LRRC4C: variants seen among roughly 807,000 people sequenced by gnomAD.
The protein encoded by LRRC4C is leucine rich repeat containing 4C.
A neutral mutation model predicts 33.6 loss-of-function variants in LRRC4C; 5 were observed. The ratio of observed to expected loss-of-function variants is 0.15; its 90% CI spans 0.08 to 0.31. The LOEUF (loss-of-function observed/expected upper bound fraction) is 0.31, where lower values mean the gene tolerates loss of function less well. LRRC4C is among the 10% of genes least tolerant of loss of function. LRRC4C has a pLI of 1.00. For synonymous variants in LRRC4C, 329 were observed against 302.0 expected (o/e 1.09, Z -0.93); for missense variants, 560 against 796.7 (o/e 0.70, Z 3.58).
chr11:40,145,493 T>A lies in LRRC4C; in HGVS notation c.-95-4640A>T, dbSNP rs141146284. Among the ~76,000 whole-genome samples, 20 of 152,254 alleles carry A rather than the reference T, an allele frequency of 1.3e-4. No individual in the cohort carries two copies. The East Asian group carries it at 3.9e-3, about 29-fold the overall frequency. ...AATGTAACCTCAAATATTCAATTTG[T>A]GAAAGGGTAATTAAAATTAAAACCG... On this transcript the variant is annotated intron_variant, in intron 5 of 6. Coordinates refer to ENST00000528697, the MANE Select transcript of LRRC4C (RefSeq NM_001258419.2).
intron 3 of LRRC4C, among the ~76,000 whole-genome samples, chr11:40,519,178 G>A (rs1468098503): frequency 6.6e-6 from 1 of 151,918 alleles, no homozygotes; most frequent in Non-Finnish European, 1.5e-5. Context: ...ACCATGGCAT[G>A]TGTATACATA....
chr11:40,540,407 T>C (rs1956658914), intron 3 of LRRC4C, among the ~76,000 whole-genome samples: 3 of 152,188 alleles, frequency 2.0e-5, no homozygotes, highest in Admixed American at 2.0e-4. Context: ...CTCTGGTTTT[T>C]TATTTTTCAA....
chr11:40,766,561 G>C (rs11530053), intron 2 of LRRC4C, among the ~76,000 whole-genome samples: 1 of 151,584 alleles, frequency 6.6e-6, no homozygotes. Context: ...TTAAGACTCA[G>C]ACTATATAAA....
chr11:40,160,991 A>G (rs1859107010), intron 5 of LRRC4C, among the ~76,000 whole-genome samples: 1 of 152,232 alleles, frequency 6.6e-6, no homozygotes, highest in African/African-American at 2.4e-5. Flanking sequence ...GAATCTTAAT[A>G]TCAGTTAAAA....
intron 6 of LRRC4C, among the ~76,000 whole-genome samples, chr11:40,136,069 C>T (rs574679138): frequency 9.8e-5 from 15 of 152,304 alleles, no homozygotes; most frequent in Middle Eastern, 3.4e-3. Context: ...GGGCTCACCA[C>T]GCCAGTTTTT....
intron 3 of LRRC4C, among the ~76,000 whole-genome samples, chr11:40,359,880 C>T (rs1759094870): frequency 6.6e-6 from 1 of 152,122 alleles, no homozygotes; most frequent in African/African-American, 2.4e-5. Flanking sequence ...CTCTCCCAAT[C>T]TGATATCATA....
intron 5 of LRRC4C, among the ~76,000 whole-genome samples, chr11:40,142,287 A>T (rs1387561984): frequency 2.0e-5 from 3 of 151,476 alleles, no homozygotes; most frequent in African/African-American, 7.3e-5. Flanking sequence ...CAAAAAAAAA[A>T]AAAAAAAAAA....
intron 3 of LRRC4C, among the ~76,000 whole-genome samples, chr11:40,486,163 A>G (rs555791445): frequency 8.6e-5 from 13 of 151,790 alleles, no homozygotes; most frequent in African/African-American, 3.1e-4. Flanking sequence ...TTAAAAAAAA[A>G]AAAAAAAAGG....
At chr11:40,220,573 T>G (rs921371220) in intron 5 of LRRC4C, among the ~76,000 whole-genome samples, 1 of 152,192 alleles carries the variant, frequency 6.6e-6, no homozygotes, top group Admixed American at 6.5e-5. Flanking sequence ...TACAGAATCA[T>G]GTAAAATATA....
intron 3 of LRRC4C, among the ~76,000 whole-genome samples, chr11:40,606,882 C>A (rs958078278): frequency 6.6e-6 from 1 of 151,810 alleles, no homozygotes; most frequent in African/African-American, 2.4e-5. Flanking sequence ...TAACATTGAA[C>A]CAAATAAATG....
rs569239708 is a variant in LRRC4C, at chr11:40,218,387, A to C, written c.-96+23132T>G. Among the ~76,000 whole-genome samples the C allele has an allele frequency of 1.6e-3, 250 of 152,302 alleles. 3 individuals carry two copies. Among genetic ancestry groups the C allele is most frequent in the African/African-American group, 5.5e-3 (229 of 41,572 alleles). On this transcript the variant is annotated intron_variant, in intron 5 of 6. Coordinates refer to ENST00000528697, the MANE Select transcript of LRRC4C (RefSeq NM_001258419.2). ...GGGTTATGGTCATAAATGTTGCTCAATGTGATGGGGGAAATGCAAGTCCAA... is the reference window on the plus strand; with the variant it reads ...GGGTTATGGTCATAAATGTTGCTCACTGTGATGGGGGAAATGCAAGTCCAA...
At chr11:41,409,770 CT>C (rs1413215254) in intron 1 of LRRC4C, among the ~76,000 whole-genome samples, 7 of 152,126 alleles carry the variant, frequency 4.6e-5, no homozygotes, top group African/African-American at 1.7e-4. Flanking sequence ...TATAATATAC[CT>C]GTCAATGAAA....
At chr11:41,176,809 A>G (rs1298639118) in intron 1 of LRRC4C, among the ~76,000 whole-genome samples, 1 of 151,952 alleles carries the variant, frequency 6.6e-6, no homozygotes, top group African/African-American at 2.4e-5. Context: ...CTAAAATACA[A>G]AAGAAATTAG....
chr11:40,738,069 C>T (rs908139082), intron 2 of LRRC4C, among the ~76,000 whole-genome samples: 10 of 152,126 alleles, frequency 6.6e-5, no homozygotes, highest in African/African-American at 2.4e-4. Flanking sequence ...TAACACCACA[C>T]ATCTGCAACC....
At position 40,186,216 on chromosome 11, in the gene LRRC4C, C is replaced by T. The variant is rs575544810; in HGVS notation, c.-95-45363G>A. Among the ~76,000 whole-genome samples, 5 of 152,316 alleles carry T rather than the reference C, an allele frequency of 3.3e-5. No homozygotes were observed. The East Asian group carries it at 7.7e-4, about 23-fold the overall frequency. ...TAAATAAACTATCAAAGGCACAAAACAGGGAGTCTACAATGTGGTAGGACT... is the reference window on the plus strand; with the variant it reads ...TAAATAAACTATCAAAGGCACAAAATAGGGAGTCTACAATGTGGTAGGACT... On this transcript the variant is annotated intron_variant, in intron 5 of 6. Transcript: ENST00000528697.
At chr11:40,319,458 C>T (rs1346460461) in intron 4 of LRRC4C, among the ~76,000 whole-genome samples, 170 bp downstream of exon 4, 6 of 152,046 alleles carry the variant, frequency 3.9e-5, no homozygotes, top group South Asian at 2.1e-4. Flanking sequence ...TCGTTTTTGC[C>T]GCATGCACTG....
intron 3 of LRRC4C, among the ~76,000 whole-genome samples, chr11:40,439,219 C>T (rs1216128771): frequency 1.3e-5 from 2 of 151,396 alleles, no homozygotes; most frequent in African/African-American, 4.9e-5. Context: ...GGATTAGAGG[C>T]GTGAGCCACT....
intron 3 of LRRC4C, among the ~76,000 whole-genome samples, chr11:40,580,355 CAT>C (rs147438521): frequency 0.023 from 3,519 of 152,026 alleles, 140 homozygotes; most frequent in African/African-American, 0.08. Context: ...CATGAGAACT[CAT>C]TCACTATTAT....
chr11:40,390,794 G>C (rs1223062892), intron 3 of LRRC4C, among the ~76,000 whole-genome samples: 8 of 152,146 alleles, frequency 5.3e-5, no homozygotes, highest in South Asian at 2.1e-4. Context: ...AGTGTCAGGA[G>C]ACTGTTATTG....
Sources: gnomAD v4.1 joint callset for allele counts (sites outside exome capture counted in the v4.1 genomes callset) on GRCh38, gnomAD v4.1.1 for gene constraint, MANE v1.5 for transcripts, NCBI Gene and HGNC (gene_info 2026-07-23, HGNC 2026-07-21) for gene names.